COL6A2: variants seen among roughly 807,000 people sequenced by gnomAD.
COL6A2 encodes the protein collagen alpha-2(VI) chain.
COL6A2 carries 90 observed loss-of-function variants against 124.9 expected under a neutral mutation model. The ratio of observed to expected loss-of-function variants is 0.72; its 90% CI spans 0.61 to 0.86. The LOEUF (loss-of-function observed/expected upper bound fraction) is 0.86. COL6A2 is among the 40% of genes least tolerant of loss of function. The pLI is 0.00. For missense variants in COL6A2, 1,607 were observed against 1,502.5 expected, an observed-to-expected ratio of 1.07 and a Z score of -1.15; for synonymous variants, 793 against 618.2, an observed-to-expected ratio of 1.28 and a Z score of -4.19.
intron 15 of COL6A2, among the ~76,000 whole-genome samples, 196 bp downstream of exon 15, chr21:46,120,046 C>T (rs966861012): frequency 2.4e-5 from 3 of 125,838 alleles, no homozygotes; most frequent in African/African-American, 8.2e-5. Flanking sequence ...AGCTCCACTA[C>T]CCACCCAGGC....
chr21:46,105,512 A>T (rs909415529), intron 1 of COL6A2, among the ~76,000 whole-genome samples: 7 of 152,246 alleles, frequency 4.6e-5, no homozygotes, highest in Non-Finnish European at 1.0e-4. Context: ...AGACTGATTT[A>T]AAAATAACAT....
intron 12 of COL6A2, among the ~76,000 whole-genome samples, chr21:46,118,209 C>T (rs763359875): frequency 6.6e-6 from 1 of 152,136 alleles, no homozygotes; most frequent in Non-Finnish European, 1.5e-5. Context: ...CCACCCACAC[C>T]TCCTGGAGCT....
chr21:46,128,477 A>G lies in COL6A2; in HGVS notation c.2461+1936A>G, dbSNP rs115673993. ...CCCTCCTGGGCACTGGGTGGACACC[A>G]CTGGCTGTGGCCTGGCCCTGGCCTT... On this transcript the variant is annotated intron_variant, in intron 27 of 27. Transcript: ENST00000300527. 4.7e-3 allele frequency among the ~76,000 whole-genome samples: 603 copies of G among 128,364 alleles called. 5 individuals carry two copies. The highest frequency in any genetic ancestry group is 0.014 in the African/African-American group (539 of 38,890). 84.2% of individuals were successfully genotyped at this position (128,364 alleles called of 152,430 possible).
intron 21 of COL6A2, 61 bp downstream of exon 21, chr21:46,122,998 C>T: frequency 6.7e-7 from 1 of 1,500,542 alleles, no homozygotes; most frequent in Non-Finnish European, 9.3e-7. Context: ...GGCCCTGAGG[C>T]TGAGCGTGTG....
At chr21:46,122,079 A>G (rs2078575379) in intron 18 of COL6A2, 29 bp from the exon 19 acceptor site, 1 of 1,611,878 alleles carries the variant, frequency 6.2e-7, no homozygotes, top group Non-Finnish European at 8.5e-7. Context: ...TCCTATGACC[A>G]TGCTGACCGA....
intron 15 of COL6A2, 35 bp downstream of exon 15, chr21:46,119,885 C>T (rs1174929388): frequency 6.5e-7 from 1 of 1,539,720 alleles, no homozygotes. Context: ...CAGGGTCTCA[C>T]TGTGGTGCCC....
rs1568929290 is a variant in COL6A2, at chr21:46,116,435, T to TG, written c.927+33dup. The TG allele has an allele frequency of 1.9e-6, 3 of 1,612,010 alleles. No homozygotes were observed. In the South Asian group the frequency reaches 3.3e-5, roughly 18 times the overall value. Reference sequence around the variant, plus strand: ...CTCTTGCCCTGACAGACCTCAGACCTGCGCCAGCCTCGGCCCAGACCCACC... The same window carrying TG: ...CTCTTGCCCTGACAGACCTCAGACCTGGCGCCAGCCTCGGCCCAGACCCACC... On this transcript the variant is annotated intron_variant, in intron 8 of 27. Coordinates refer to ENST00000300527, the MANE Select transcript of COL6A2 (RefSeq NM_001849.4). The surrounding 1 kb of genome is among the most constrained non-coding windows in gnomAD (Gnocchi z 4.6).
At position 46,132,260 on chromosome 21, in the gene COL6A2, A is replaced by G. The variant is rs2123455354; in HGVS notation, c.2768A>G (p.His923Arg). 1 of 1,606,320 alleles carries G rather than the reference A, an allele frequency of 6.2e-7. No individual in the cohort carries two copies. The highest frequency in any genetic ancestry group is 8.5e-7 in the Non-Finnish European group (1 of 1,178,434). Reference protein sequence around the residue: ...SFSHVGAGVVHAINAIVRSPR... With the variant: ...SFSHVGAGVVRAINAIVRSPR... Reference sequence around the variant, plus strand: ...TCGCACGTGGGCGCAGGCGTGGTGCACGCCATCAATGCCATCGTGCGCAGC... The same window carrying G: ...TCGCACGTGGGCGCAGGCGTGGTGCGCGCCATCAATGCCATCGTGCGCAGC... The change falls in exon 28 of 28, where the codon CAC becomes CGC. Residue 923 changes from histidine to arginine, a missense_variant. By Grantham distance (29) the His-to-Arg change is conservative (BLOSUM62 0). Coordinates refer to ENST00000300527, the MANE Select transcript of COL6A2 (RefSeq NM_001849.4).
chr21:46,111,268 A>G (rs950911051), intron 1 of COL6A2, 182 bp from the exon 2 acceptor site: 30 of 555,380 alleles, frequency 5.4e-5, no homozygotes, highest in Non-Finnish European at 9.1e-5. Context: ...GTGGGGCAAG[A>G]GGGCGCAAGC....
At position 46,124,663 on chromosome 21, in the gene COL6A2, C is replaced by G. The variant is rs1035008109; in HGVS notation, c.1684C>G (p.Pro562Ala). Residue 562 changes from proline (P) to alanine (A), a missense_variant, in exon 22 of 28, where the codon CCC becomes GCC. Around this residue, in one of 3 missense-constraint regions of COL6A2, gnomAD observed 1,223 missense variants for 1,052.2 expected, o/e 1.16. Coordinates refer to ENST00000300527, the MANE Select transcript of COL6A2 (RefSeq NM_001849.4). Reference sequence around the variant, plus strand: ...TGTTCCTTCTCAGGCGGATCCTGGTCCCCCTGGTGAGCCAGGCCCTCGGGG... The same window carrying G: ...TGTTCCTTCTCAGGCGGATCCTGGTGCCCCTGGTGAGCCAGGCCCTCGGGG... ...GEKGEPADPG[P>A]PGEPGPRGPR... 3.1e-6 allele frequency: 5 copies of G among 1,612,702 alleles called. No homozygotes were observed. The African/African-American group carries it at 4.0e-5, about 13-fold the overall frequency.
chr21:46,129,609 C>A (rs2078732245), intron 27 of COL6A2: 1 of 1,433,874 alleles, frequency 7.0e-7, no homozygotes, highest in Admixed American at 2.8e-5. Context: ...GTCAGCGGGG[C>A]TACAGTCCTT....
chr21:46,122,098 C>T lies in COL6A2; in HGVS notation c.1522-10C>T, dbSNP rs1421848806. 4 of 1,612,490 alleles carry T rather than the reference C, an allele frequency of 2.5e-6. No homozygotes were observed. The highest frequency in any genetic ancestry group is 3.4e-6 in the Non-Finnish European group (4 of 1,179,912). On this transcript the variant is annotated splice_polypyrimidine_tract_variant and intron_variant, in intron 18 of 27. Transcript: ENST00000300527. ...ATGACCATGCTGACCGACTCAACGT[C>T]CTCCTCCAGGGAGACCCCGGCAGGC...
At position 46,118,709 on chromosome 21, in the gene COL6A2, G is replaced by T. The variant is rs1012368767; in HGVS notation, c.1179+33G>T. 5.0e-6 allele frequency: 8 copies of T among 1,593,742 alleles called. No homozygotes were observed. The African/African-American group carries it at 6.7e-5, about 13-fold the overall frequency. On this transcript the variant is annotated intron_variant, in intron 13 of 27. Coordinates refer to ENST00000300527, the MANE Select transcript of COL6A2 (RefSeq NM_001849.4). ...CCTCTGCCTCTTCGCCTGCAGCTGA[G>T]CTGGCCACACTCACGCCCATGGCCC...
In COL6A2 at chr21:46,132,822, C is replaced by T; in HGVS notation, c.*270C>T. The T allele has an allele frequency of 1.8e-6, 1 of 560,642 alleles. No homozygotes were observed. Among genetic ancestry groups the T allele is most frequent in the East Asian group, 3.0e-5 (1 of 33,222 alleles). 34.7% of individuals were successfully genotyped at this position (560,642 alleles called of 1,614,324 possible). A position where few individuals can be genotyped will look rare whatever the true frequency, so the allele number is the denominator to read the frequency against. ...CTGGCCCCTGAGCTCTGGAGCAAGCCCTGACCCAATAAAGGCTTTGAACCC... is the reference window on the plus strand; with the variant it reads ...CTGGCCCCTGAGCTCTGGAGCAAGCTCTGACCCAATAAAGGCTTTGAACCC... On this transcript the variant is annotated 3_prime_UTR_variant, in exon 28 of 28. Coordinates refer to ENST00000300527, the MANE Select transcript of COL6A2 (RefSeq NM_001849.4).
Position 46,132,016 on chromosome 21 carries a change from G to A in COL6A2, c.2524G>A (p.Glu842Lys), listed in dbSNP as rs571051982. The change falls in exon 28 of 28, where the codon GAG (glutamate) becomes AAG (lysine). Residue 842 changes from glutamate (E) to lysine (K), a missense_variant. Glu to Lys is a moderately conservative substitution (Grantham distance 56). Around this residue, in one of 3 missense-constraint regions of COL6A2, gnomAD observed 1,223 missense variants for 1,052.2 expected, o/e 1.16. Coordinates refer to ENST00000300527, the MANE Select transcript of COL6A2 (RefSeq NM_001849.4). The part of the protein sequence containing the change: ...VDIVFLLDGS[E>K]RLGEQNFHKA... ...CATCGTCTTCCTGCTGGACGGCTCC[G>A]AGCGGCTGGGTGAGCAGAACTTCCA... 42 of 1,609,416 alleles carry A rather than the reference G, an allele frequency of 2.6e-5. No homozygotes were observed. Among genetic ancestry groups the A allele is most frequent in the Admixed American group, 6.7e-5 (4 of 59,956 alleles).
chr21:46,122,629 C>G (rs2078584892), intron 20 of COL6A2, 98 bp downstream of exon 20: 1 of 1,382,972 alleles, frequency 7.2e-7, no homozygotes, highest in Non-Finnish European at 1.0e-6. Flanking sequence ...CAGGACCACC[C>G]CTGTCTTGAG....
In COL6A2 at chr21:46,116,146, C is replaced by T. The variant is rs982268369; in HGVS notation, c.900+93C>T. The T allele has an allele frequency of 1.2e-5, 16 of 1,327,242 alleles. No homozygotes were observed. Among genetic ancestry groups the T allele is most frequent in the African/African-American group, 8.8e-5 (6 of 68,540 alleles). The allele number at this position is 1,327,242 out of a possible 1,614,324, so 82.2% of individuals were successfully genotyped here. ...AGCCCAGCCTCGGCCTCAGCCTCTA[C>T]GACCCTCCCCCCAGTTACCAAGGAA... On this transcript the variant is annotated intron_variant, in intron 7 of 27. Transcript: ENST00000300527. This position sits in a 1 kb window ranked among gnomAD's most constrained non-coding sequence, Gnocchi z 4.6.
intron 11 of COL6A2, chr21:46,117,668 T>C: frequency 1.3e-6 from 1 of 745,810 alleles, no homozygotes; most frequent in Non-Finnish European, 2.3e-6. Context: ...CCTGGAGACC[T>C]GATGCATCCC....
rs1382969430 is a variant in COL6A2, at chr21:46,120,557, G to A, written c.1375G>A (p.Val459Ile). The change falls in exon 16 of 28, where the codon GTT becomes ATT. Residue 459 changes from valine (V) to isoleucine (I), a missense_variant. Val to Ile is a conservative substitution (Grantham distance 29). Coordinates refer to ENST00000300527, the MANE Select transcript of COL6A2 (RefSeq NM_001849.4). ...GGGGCCCCGCGGCCTGGCTGGAGAGGTTGGCAACAAAGGAGCCAAGGTAGG... is the reference window on the plus strand; with the variant it reads ...GGGGCCCCGCGGCCTGGCTGGAGAGATTGGCAACAAAGGAGCCAAGGTAGG... ...PEGPRGLAGE[V>I]GNKGAKGDRG... 2 of 1,470,326 alleles carry A rather than the reference G, an allele frequency of 1.4e-6. No individual in the cohort carries two copies. Among genetic ancestry groups the A allele is most frequent in the African/African-American group, 2.9e-5 (2 of 69,642 alleles). 91.1% of individuals were successfully genotyped at this position (1,470,326 alleles called of 1,614,324 possible). A position where few individuals can be genotyped will look rare whatever the true frequency, so the allele number is the denominator to read the frequency against.
Sources: gnomAD v4.1 joint callset for allele counts (sites outside exome capture counted in the v4.1 genomes callset) on GRCh38, gnomAD v4.1.1 for gene constraint, gnomAD v4.1.1 regional missense constraint, Gnocchi (gnomAD v3.1) non-coding constraint, MANE v1.5 for transcripts, NCBI Gene and HGNC (gene_info 2026-07-23, HGNC 2026-07-21) for gene names.